CARMIL1: variants seen among roughly 807,000 people sequenced by gnomAD.
CARMIL1 encodes capping protein regulator and myosin 1 linker 1.
A neutral mutation model predicts 177.1 loss-of-function variants in CARMIL1; 90 were observed. The observed-to-expected ratio is 0.51, with a 90% CI of 0.43 to 0.61. The LOEUF is 0.61. Ranked by LOEUF, CARMIL1 falls within the 20% of genes least tolerant of loss-of-function variation. The probability of loss-of-function intolerance (pLI) is 0.00; values close to 1 mark genes in which losing one functional copy is unlikely to be tolerated. For missense variants in CARMIL1, 1,380 were observed against 1,667.0 expected, an observed-to-expected ratio of 0.83 and a Z score of 3.00; for synonymous variants, 577 against 606.2, an observed-to-expected ratio of 0.95 and a Z score of 0.71.
chr6:25,279,782 C>T lies in CARMIL1; in HGVS notation c.-14C>T. Reference sequence around the variant, plus strand: ...AGTTGGACCTGCAATAACCCCCACACCTACAGGGCAACCATGACCGAGGAG... The same window carrying T: ...AGTTGGACCTGCAATAACCCCCACATCTACAGGGCAACCATGACCGAGGAG... On this transcript the variant is annotated 5_prime_UTR_variant, in exon 1 of 37. Transcript: ENST00000329474. 1 of 1,613,838 alleles carries T rather than the reference C, an allele frequency of 6.2e-7. No homozygotes were observed. The highest frequency in any genetic ancestry group is 8.5e-7 in the Non-Finnish European group (1 of 1,179,760).
intron 32 of CARMIL1, among the ~76,000 whole-genome samples, chr6:25,597,937 C>T (rs1022461491): frequency 6.6e-6 from 1 of 152,142 alleles, no homozygotes; most frequent in Non-Finnish European, 1.5e-5. Context: ...TATCTTCTAG[C>T]TTCCGGTGTT....
chr6:25,503,380 C>T (rs1325388189), intron 17 of CARMIL1, among the ~76,000 whole-genome samples: 1 of 152,078 alleles, frequency 6.6e-6, no homozygotes, highest in Non-Finnish European at 1.5e-5. Flanking sequence ...AGTGTTTTAT[C>T]ACATTTTGTT....
intron 2 of CARMIL1, among the ~76,000 whole-genome samples, chr6:25,352,002 C>T (rs1454231815): frequency 6.6e-6 from 1 of 151,850 alleles, no homozygotes. Context: ...TTTTTCTATT[C>T]ACTAGTTTCA....
chr6:25,557,000 G>A (rs1333155439), intron 29 of CARMIL1, 150 bp downstream of exon 29: 7 of 812,268 alleles, frequency 8.6e-6, no homozygotes, highest in Non-Finnish European at 1.3e-5. Context: ...GTCCTAAAGA[G>A]GCCGCTAATG....
At chr6:25,282,805 C>T (rs2744278) in intron 1 of CARMIL1, among the ~76,000 whole-genome samples, 7,559 of 152,164 alleles carry the variant, frequency 0.05, 591 homozygotes, top group African/African-American at 0.17. Context: ...TGCGTGCTTC[C>T]GAATCCATGA....
At chr6:25,452,406 A>G (rs919406275) in intron 8 of CARMIL1, 7 of 593,118 alleles carry the variant, frequency 1.2e-5, no homozygotes, top group Non-Finnish European at 1.8e-5. Context: ...TGCACGTGGA[A>G]TAAGATAGAA....
At chr6:25,383,651 A>G (rs1482242763) in intron 2 of CARMIL1, 1 of 152,212 alleles carries the variant, frequency 6.6e-6, no homozygotes, top group Non-Finnish European at 1.5e-5. Context: ...AGACATTAAC[A>G]TGGCCCCTGT....
At chr6:25,498,648 G>T (rs1343198451) in intron 16 of CARMIL1, among the ~76,000 whole-genome samples, 1 of 152,136 alleles carries the variant, frequency 6.6e-6, no homozygotes, top group Non-Finnish European at 1.5e-5. Flanking sequence ...GGAAATAAAA[G>T]GGACCTCTTT....
intron 3 of CARMIL1, 53 bp downstream of exon 3, chr6:25,420,217 C>T: frequency 6.6e-7 from 1 of 1,519,212 alleles, no homozygotes; most frequent in South Asian, 1.1e-5. Flanking sequence ...CATACCCACT[C>T]ATGCATAGTC....
At chr6:25,517,884 T>A (rs1806169442) in intron 22 of CARMIL1, among the ~76,000 whole-genome samples, 1 of 152,236 alleles carries the variant, frequency 6.6e-6, no homozygotes. Context: ...ATGAAAGACT[T>A]TCTTCATTAC....
intron 2 of CARMIL1, among the ~76,000 whole-genome samples, chr6:25,306,374 T>A (rs74793281): frequency 1.2e-4 from 19 of 152,084 alleles, no homozygotes; most frequent in Non-Finnish European, 2.5e-4. Flanking sequence ...TAGATTCTCA[T>A]AGTTACGAGA....
chr6:25,571,880 G>A (rs1812095480), intron 29 of CARMIL1, among the ~76,000 whole-genome samples: 1 of 152,200 alleles, frequency 6.6e-6, no homozygotes, highest in Non-Finnish European at 1.5e-5. Flanking sequence ...AGGTGGGGAT[G>A]GGAGTGGGGA....
At chr6:25,506,062 A>G (rs555141097) in intron 17 of CARMIL1, among the ~76,000 whole-genome samples, 13 of 152,236 alleles carry the variant, frequency 8.5e-5, no homozygotes, top group Non-Finnish European at 1.8e-4. Context: ...CAGCAATTGA[A>G]TACAAACTTT....
At chr6:25,421,888 G>A (rs1795892334) in intron 3 of CARMIL1, among the ~76,000 whole-genome samples, 1 of 117,800 alleles carries the variant, frequency 8.5e-6, no homozygotes, top group Admixed American at 9.2e-5. Flanking sequence ...GGGGAGGGGG[G>A]GAGGGATAGC....
chr6:25,320,556 C>G (rs1784597263), intron 2 of CARMIL1, among the ~76,000 whole-genome samples: 1 of 152,264 alleles, frequency 6.6e-6, no homozygotes, highest in Non-Finnish European at 1.5e-5. Context: ...TATCCACCCT[C>G]TACCCCTAAC....
intron 2 of CARMIL1, among the ~76,000 whole-genome samples, chr6:25,376,886 G>C (rs1791039858): frequency 6.6e-6 from 1 of 152,114 alleles, no homozygotes; most frequent in Non-Finnish European, 1.5e-5. Flanking sequence ...GAAATGCACT[G>C]AGGTCTTTTC....
intron 32 of CARMIL1, among the ~76,000 whole-genome samples, chr6:25,595,405 G>C (rs1011079032): frequency 2.0e-5 from 3 of 152,168 alleles, no homozygotes; most frequent in Admixed American, 2.0e-4. Flanking sequence ...GGATGGTGAG[G>C]TGGCAGTGGG....
chr6:25,613,528 C>T (rs548234390), intron 36 of CARMIL1, among the ~76,000 whole-genome samples: 1 of 152,292 alleles, frequency 6.6e-6, no homozygotes, highest in East Asian at 1.9e-4. Context: ...ATGTTCTGTT[C>T]AGGTGAGAAC....
chr6:25,293,100 CTT>C (rs200809173), intron 2 of CARMIL1, among the ~76,000 whole-genome samples: 18 of 143,730 alleles, frequency 1.3e-4, no homozygotes, highest in African/African-American at 4.3e-4. Flanking sequence ...TTCTAAAATG[CTT>C]TTTTTTTTTA....
Sources: allele counts gnomAD v4.1 joint callset (sites outside exome capture counted in the v4.1 genomes callset), GRCh38; gene constraint gnomAD v4.1.1; transcripts MANE v1.5; gene names NCBI Gene and HGNC (gene_info 2026-07-23, HGNC 2026-07-21).